Variants in SLC25A19 observed in about 807,000 individuals in gnomAD.
SLC25A19 encodes the protein solute carrier family 25 member 19.
Under a neutral mutation model 27.9 loss-of-function variants are expected in SLC25A19, and 18 were observed. That is an observed-to-expected ratio of 0.64 (90% CI 0.45 to 0.96). The LOEUF (loss-of-function observed/expected upper bound fraction) is 0.96, where lower values mean the gene tolerates loss of function less well. Ranked by LOEUF, SLC25A19 falls within the 40% of genes least tolerant of loss-of-function variation. The pLI is 0.00. For synonymous variants in SLC25A19, 169 were observed against 167.1 expected (o/e 1.01, Z -0.09); for missense variants, 371 against 418.3 (o/e 0.89, Z 0.99).
At chr17:75,278,018 C>T in intron 6 of SLC25A19, 134 bp downstream of exon 6, 1 of 906,166 alleles carries the variant, frequency 1.1e-6, no homozygotes, top group South Asian at 1.4e-5. Flanking sequence ...TTTTGTTTGC[C>T]ACATTACAGA....
At chr17:75,276,570 G>C (rs995888032) in intron 7 of SLC25A19, among the ~76,000 whole-genome samples, 19 of 146,504 alleles carry the variant, frequency 1.3e-4, no homozygotes, top group African/African-American at 4.7e-4. Flanking sequence ...GTTTCACCAT[G>C]TTGATCAGGC....
chr17:75,284,078 G>A (rs915709454), intron 4 of SLC25A19, among the ~76,000 whole-genome samples: 7 of 151,176 alleles, frequency 4.6e-5, no homozygotes, highest in Admixed American at 1.3e-4. Flanking sequence ...ATGCCACTGC[G>A]CTCTCCAGCC....
At position 75,277,374 on chromosome 17, in the gene SLC25A19, A is replaced by T. The variant is rs745682560; in HGVS notation, c.753T>A (p.His251Gln). Residue 251 changes from histidine (H) to glutamine (Q), a missense_variant, in exon 7 of 8, where the codon CAT (histidine) becomes CAA (glutamine). Transcript: ENST00000416858. ...TCACCTGGCCAAAGGCAGCTCTGGC[A>T]TGCTCAAACCCTCCAACCTGTAGCC... ...KKRLQVGGFE[H>Q]ARAAFGQVRR... The T allele has an allele frequency of 6.2e-7, 1 of 1,613,880 alleles. No individual in the cohort carries two copies. The highest frequency in any genetic ancestry group is 1.1e-5 in the South Asian group (1 of 91,076).
chr17:75,282,293 G>A (rs1382234662), intron 5 of SLC25A19, among the ~76,000 whole-genome samples: 2 of 152,194 alleles, frequency 1.3e-5, no homozygotes, highest in African/African-American at 4.8e-5. Flanking sequence ...GCTCACGCCT[G>A]TAATCCTAGC....
At chr17:75,278,098 G>GGC (rs1368312619) in intron 6 of SLC25A19, 54 bp downstream of exon 6, 1 of 1,580,406 alleles carries the variant, frequency 6.3e-7, no homozygotes, top group African/African-American at 1.3e-5. Flanking sequence ...TTTGGAAGGG[G>GGC]GTGTTCTGGT....
rs994966914 is a variant in SLC25A19, at chr17:75,277,652, G to C, written c.644-169C>G. The stretch of plus-strand genomic sequence containing the variant: ...TCCAAAAAGGAATGTAATCTAGGGG[G>C]AGAAGAGCCAGACACGGCCACTTCT... On this transcript the variant is annotated intron_variant, in intron 6 of 7. Transcript: ENST00000416858. Among the ~76,000 whole-genome samples, 3 of 152,256 alleles carry C rather than the reference G, an allele frequency of 2.0e-5. No homozygotes were observed. In the South Asian group the frequency reaches 6.2e-4, roughly 32 times the overall value.
intron 1 of SLC25A19, chr17:75,289,075 C>A (rs1361268271): frequency 2.6e-5 from 4 of 152,266 alleles, no homozygotes; most frequent in African/African-American, 9.7e-5. Flanking sequence ...CTGCAGAGGT[C>A]CCCGTGTGGG....
chr17:75,286,402 G>A lies in SLC25A19; in HGVS notation c.190C>T (p.Gln64Ter). 3.1e-6 allele frequency: 5 copies of A among 1,614,180 alleles called. No homozygotes were observed. Among genetic ancestry groups the A allele is most frequent in the Non-Finnish European group, 4.2e-6 (5 of 1,180,038 alleles). ...TCCTGCAGAATCTGCCTAGAGGCCT[G>A]GAGGATGCCATGGTACTTTGCGCTG... ...DPSAKYHGILQASRQILQEEG... is the reference protein window; with the variant it reads ...DPSAKYHGIL The change falls in exon 4 of 8, where the codon CAG becomes TAG. Residue 64 changes from glutamine (Q) to a stop codon, truncating the protein, a stop_gained. Transcript: ENST00000416858. LOFTEE classifies it high-confidence loss of function.
rs1056041325 is a variant in SLC25A19 at position 75,286,988 on chromosome 17, C to T, written c.-38-186G>A. ...GGCCGAGGTGGGTGGATTGCTTGAG[C>T]TCAGGAGTTCAAGACCAGCCTGGGC... On this transcript the variant is annotated intron_variant, in intron 2 of 7. Transcript: ENST00000416858. 1.3e-5 allele frequency: 7 copies of T among 546,532 alleles called. No homozygotes were observed. The Admixed American group carries it at 1.9e-4, about 15-fold the overall frequency. The allele number at this position is 546,532 out of a possible 1,614,324, so 33.9% of individuals were successfully genotyped here.
chr17:75,283,814 G>C (rs1214284506), intron 4 of SLC25A19, among the ~76,000 whole-genome samples: 2 of 152,138 alleles, frequency 1.3e-5, no homozygotes, highest in Non-Finnish European at 2.9e-5. Flanking sequence ...GACACTCAAA[G>C]GGTTAAGAAG....
intron 4 of SLC25A19, 112 bp from the exon 5 acceptor site, chr17:75,283,705 G>T: frequency 1.0e-6 from 1 of 979,638 alleles, no homozygotes; most frequent in Non-Finnish European, 1.6e-6. Context: ...GAGGGGCGAG[G>T]AAAAGGTCAG....
intron 5 of SLC25A19, among the ~76,000 whole-genome samples, chr17:75,281,129 C>T (rs1384879479): frequency 1.3e-5 from 2 of 151,982 alleles, no homozygotes; most frequent in African/African-American, 4.8e-5. Context: ...GAGTTCGAAG[C>T]TGCAGCAAGC....
chr17:75,288,651 T>C (rs1017564817), intron 1 of SLC25A19, 60 bp from the exon 2 acceptor site: 1 of 86,970 alleles, frequency 1.1e-5, no homozygotes, highest in African/African-American at 5.5e-5. Flanking sequence ...GAATTTGTTA[T>C]GGCAAAAAAA....
In SLC25A19 at chr17:75,278,788, G is replaced by C. The variant is rs547983876; in HGVS notation, c.460-453C>G. On this transcript the variant is annotated intron_variant, in intron 5 of 7. Coordinates refer to ENST00000416858, the MANE Select transcript of SLC25A19 (RefSeq NM_001126121.2). ...ACTTGAGGCCAGGAGTTTGAGACCAGCCTGGCCAACATGGCGAAAGCCCAT... is the reference window on the plus strand; with the variant it reads ...ACTTGAGGCCAGGAGTTTGAGACCACCCTGGCCAACATGGCGAAAGCCCAT... Among the ~76,000 whole-genome samples the C allele has an allele frequency of 2.0e-3, 303 of 151,930 alleles. 1 individual carries two copies. Among genetic ancestry groups the C allele is most frequent in the African/African-American group, 6.6e-3 (272 of 41,470 alleles).
At chr17:75,283,702 G>A (rs908495263) in intron 4 of SLC25A19, 109 bp from the exon 5 acceptor site, 25 of 1,014,752 alleles carry the variant, frequency 2.5e-5, no homozygotes, top group East Asian at 1.8e-4. Context: ...GTGGAGGGGC[G>A]AGGAAAAGGT....
chr17:75,280,877 A>C (rs1490690569), intron 5 of SLC25A19, among the ~76,000 whole-genome samples: 1 of 149,182 alleles, frequency 6.7e-6, no homozygotes, highest in Non-Finnish European at 1.5e-5. Context: ...AGGCGGTCAC[A>C]GTGAGCTGAG....
At chr17:75,286,486 G>T (rs1453987136) in intron 3 of SLC25A19, 27 bp from the exon 4 acceptor site, 3 of 1,613,756 alleles carry the variant, frequency 1.9e-6, no homozygotes, top group South Asian at 1.1e-5. Context: ...AAAAGGTCAG[G>T]ACAGTGGGGT....
intron 4 of SLC25A19, among the ~76,000 whole-genome samples, chr17:75,285,212 C>T (rs551233519): frequency 1.3e-5 from 2 of 152,272 alleles, no homozygotes; most frequent in Non-Finnish European, 2.9e-5. Flanking sequence ...GATGGGATTA[C>T]AGGTGTGAGC....
chr17:75,286,589 G>A (rs377004036), intron 3 of SLC25A19, 44 bp downstream of exon 3: 4 of 1,614,076 alleles, frequency 2.5e-6, no homozygotes, highest in Middle Eastern at 1.6e-4. Flanking sequence ...AAGAAAGACT[G>A]AACTTGTCCT....
Sources: allele counts gnomAD v4.1 joint callset (sites outside exome capture counted in the v4.1 genomes callset), GRCh38; gene constraint gnomAD v4.1.1; transcripts MANE v1.5; gene names NCBI Gene and HGNC (gene_info 2026-07-23, HGNC 2026-07-21).